Variants in GPI observed in about 807,000 individuals in gnomAD.
GPI encodes the protein glucose-6-phosphate isomerase.
GPI carries 56 observed loss-of-function variants against 75.8 expected under a neutral mutation model. The observed-to-expected ratio is 0.74, with a 90% CI of 0.60 to 0.92. The LOEUF (loss-of-function observed/expected upper bound fraction) is 0.92, where lower values mean the gene tolerates loss of function less well. Ranked by LOEUF, GPI falls within the 40% of genes least tolerant of loss-of-function variation. The probability of loss-of-function intolerance (pLI) is 0.00; values close to 1 mark genes in which losing one functional copy is unlikely to be tolerated. For missense variants in GPI, 638 were observed against 741.0 expected, an observed-to-expected ratio of 0.86 and a Z score of 1.61; for synonymous variants, 288 against 285.4, an observed-to-expected ratio of 1.01 and a Z score of -0.09.
At chr19:34,379,342 C>T (rs1280056127) in intron 7 of GPI, among the ~76,000 whole-genome samples, 176 bp from the exon 8 acceptor site, 1 of 152,184 alleles carries the variant, frequency 6.6e-6, no homozygotes, top group Admixed American at 6.5e-5. Flanking sequence ...GAGCAGGCGG[C>T]CTGTGACCCG....
intron 4 of GPI, among the ~76,000 whole-genome samples, chr19:34,372,117 G>T (rs1453688029): frequency 6.6e-6 from 1 of 151,782 alleles, no homozygotes; most frequent in Non-Finnish European, 1.5e-5. Flanking sequence ...TTTTAGTAGA[G>T]ATGAGGTTTC....
chr19:34,366,899 G>A (rs773763220), intron 3 of GPI, 48 bp downstream of exon 3: 3 of 1,329,032 alleles, frequency 2.3e-6, no homozygotes, highest in Non-Finnish European at 3.3e-6. Flanking sequence ...TTCCCTTTGG[G>A]GTTTATCTGA....
chr19:34,397,147 C>T (rs8191425), intron 14 of GPI: 29,702 of 219,598 alleles, frequency 0.14, 3,188 homozygotes, highest in African/African-American at 0.32. Context: ...ATCCAGCAGG[C>T]CCTGATGTGT....
At chr19:34,397,686 T>C (rs2074965008) in intron 14 of GPI, 1 of 151,754 alleles carries the variant, frequency 6.6e-6, no homozygotes, top group Non-Finnish European at 1.5e-5. Flanking sequence ...GTTAAACTTT[T>C]TGTAGAGGCC....
intron 12 of GPI, 117 bp downstream of exon 12, chr19:34,394,183 G>GC: frequency 1.4e-6 from 1 of 725,402 alleles, no homozygotes; most frequent in Non-Finnish European, 2.4e-6. Context: ...CTTGGGCCTG[G>GC]CCAAGGTCCA....
At chr19:34,380,680 C>T (rs548443903) in intron 8 of GPI, 1 of 154,896 alleles carries the variant, frequency 6.5e-6, no homozygotes, top group Non-Finnish European at 1.4e-5. Context: ...TGTGCAGGCT[C>T]AGCAGGGCAT....
At chr19:34,397,814 A>C (rs2145432640) in intron 14 of GPI, 1 of 148,706 alleles carries the variant, frequency 6.7e-6, no homozygotes, top group Non-Finnish European at 1.5e-5. Flanking sequence ...GCCCTCTTTT[A>C]CTTTTAAGGG....
intron 1 of GPI, chr19:34,365,718 G>C (rs2074351927): frequency 3.8e-6 from 2 of 525,238 alleles, no homozygotes; most frequent in Non-Finnish European, 3.7e-6. Context: ...GTGAAGAGAG[G>C]CCTTGGCTGA....
chr19:34,396,689 G>A lies in GPI; in HGVS notation c.1269+32G>A, dbSNP rs778785418. On this transcript the variant is annotated intron_variant, in intron 14 of 17. Transcript: ENST00000356487. ...GCCCCCATCTGGCCCCATCTGGGGG[G>A]TCTGGCTCACATTGCACCCAGACCT... The A allele has an allele frequency of 4.3e-5, 68 of 1,577,846 alleles. 1 individual carries two copies. The highest frequency in any genetic ancestry group is 1.7e-4 in the Middle Eastern group (1 of 5,984).
At position 34,400,103 on chromosome 19, in the gene GPI, G is replaced by A. The variant is rs553857926; in HGVS notation, c.*67G>A. The stretch of plus-strand genomic sequence containing the variant: ...CTTCTCGTCCCTCCTCCCCGGAGCC[G>A]GCACTGCATGTTCCTGGACACCACC... On this transcript the variant is annotated 3_prime_UTR_variant, in exon 18 of 18. Coordinates refer to ENST00000356487, the MANE Select transcript of GPI (RefSeq NM_000175.5). The A allele has an allele frequency of 4.1e-5, 62 of 1,524,782 alleles. No homozygotes were observed. Among genetic ancestry groups the A allele is most frequent in the South Asian group, 6.7e-5 (6 of 89,370 alleles). The allele number at this position is 1,524,782 out of a possible 1,614,324, so 94.5% of individuals were successfully genotyped here.
chr19:34,366,816 CGG>C lies in GPI; in HGVS notation c.248_249del (p.Arg83HisfsTer5). On this transcript the variant is annotated frameshift_variant, in exon 3 of 18. Coordinates refer to ENST00000356487, the MANE Select transcript of GPI (RefSeq NM_000175.5). LOFTEE classifies it high-confidence loss of function. ...KSRGVEAARE[R>X]MFNGEKINYT... ...CAGGGGCGTGGAGGCCGCCCGGGAGCGGATGTTCAATGGTGAGAAGATCAACT... is the reference window on the plus strand; with the variant it reads ...CAGGGGCGTGGAGGCCGCCCGGGAGCATGTTCAATGGTGAGAAGATCAACT... The C allele has an allele frequency of 6.2e-7, 1 of 1,613,650 alleles. No individual in the cohort carries two copies. Among genetic ancestry groups the C allele is most frequent in the Non-Finnish European group, 8.5e-7 (1 of 1,179,816 alleles).
chr19:34,368,024 G>A (rs961682955), intron 3 of GPI, among the ~76,000 whole-genome samples: 4 of 152,194 alleles, frequency 2.6e-5, no homozygotes, highest in Admixed American at 1.3e-4. Flanking sequence ...GGGTTCAGGC[G>A]ATTCTCTGCC....
At chr19:34,369,111 CTA>C (rs1469880153) in intron 4 of GPI, among the ~76,000 whole-genome samples, 4 of 150,970 alleles carry the variant, frequency 2.6e-5, no homozygotes. Flanking sequence ...TGCAGTCGTG[CTA>C]TCTCAGCTCA....
chr19:34,371,604 A>T (rs2145336866), intron 4 of GPI, among the ~76,000 whole-genome samples: 1 of 152,174 alleles, frequency 6.6e-6, no homozygotes, highest in East Asian at 1.9e-4. Context: ...TAATCCCAGC[A>T]CCTTGGGAGG....
chr19:34,396,407 C>G lies in GPI; in HGVS notation c.1169C>G (p.Ala390Gly), dbSNP rs1419661393. Residue 390 changes from alanine to glycine, a missense_variant, in exon 13 of 18, where the codon GCT becomes GGT. Physicochemically the swap from Ala to Gly is moderately conservative, Grantham distance 60. Coordinates refer to ENST00000356487, the MANE Select transcript of GPI (RefSeq NM_000175.5). ...GAGCCAGGGACCAATGGCCAGCATG[C>G]TTTTTACCAGCTCATCCACCAAGGT... Reference protein sequence around the residue: ...WGEPGTNGQHAFYQLIHQGTK... With the variant: ...WGEPGTNGQHGFYQLIHQGTK... The G allele has an allele frequency of 6.2e-7, 1 of 1,614,194 alleles. No individual in the cohort carries two copies.
chr19:34,386,207 G>A (rs1259566822), intron 9 of GPI, among the ~76,000 whole-genome samples: 3 of 152,072 alleles, frequency 2.0e-5, no homozygotes, highest in Non-Finnish European at 4.4e-5. Flanking sequence ...TTTCAGGTGT[G>A]GTCTGAGAAC....
chr19:34,365,826 G>C (rs1196393006), intron 1 of GPI: 1 of 471,830 alleles, frequency 2.1e-6, no homozygotes, highest in South Asian at 1.5e-5. Context: ...GGGTGTTTGA[G>C]GGAGCTGGGT....
At chr19:34,368,879 A>C (rs2074407974) in intron 4 of GPI, 177 bp downstream of exon 4, 1 of 720,520 alleles carries the variant, frequency 1.4e-6, no homozygotes, top group Non-Finnish European at 2.5e-6. Context: ...CTGAGGCCTG[A>C]ATTTCTCCTG....
chr19:34,361,227 A>G (rs2074299635), upstream of GPI, among the ~76,000 whole-genome samples: 1 of 151,890 alleles, frequency 6.6e-6, no homozygotes, highest in Non-Finnish European at 1.5e-5. Context: ...AGTAGCTGGG[A>G]TTACAGGTGC....
Sources: allele counts gnomAD v4.1 joint callset (sites outside exome capture counted in the v4.1 genomes callset), GRCh38; gene constraint gnomAD v4.1.1; transcripts MANE v1.5; gene names NCBI Gene and HGNC (gene_info 2026-07-23, HGNC 2026-07-21).